CTNND2: variants seen among roughly 807,000 people sequenced by gnomAD.
CTNND2 encodes the protein catenin delta 2, also known as catenin delta-2.
A neutral mutation model predicts 144.4 loss-of-function variants in CTNND2; 22 were observed. The observed-to-expected ratio is 0.15, with a 90% confidence interval of 0.11 to 0.22. The LOEUF is 0.22. CTNND2 is among the 10% of genes least tolerant of loss of function. The pLI is 1.00. For missense variants in CTNND2, 1,353 were observed against 1,618.8 expected (o/e 0.84, Z 2.82); for synonymous variants, 751 against 695.6 (o/e 1.08, Z -1.25).
At chr5:11,565,172 G>A (rs1214747670) in intron 2 of CTNND2, 116 bp from the exon 3 acceptor site, 2 of 725,814 alleles carry the variant, frequency 2.8e-6, no homozygotes, top group African/African-American at 1.8e-5. Context: ...TGTCAAATTT[G>A]AGAAATGTGC....
chr5:11,034,809 G>A (rs1561204929), intron 16 of CTNND2, among the ~76,000 whole-genome samples: 1 of 151,448 alleles, frequency 6.6e-6, no homozygotes, highest in African/African-American at 2.4e-5. Flanking sequence ...TGTTTATTGG[G>A]ATCTTGTTTT....
intron 1 of CTNND2, among the ~76,000 whole-genome samples, chr5:11,819,135 C>T (rs1793175790): frequency 6.6e-6 from 1 of 152,112 alleles, no homozygotes; most frequent in South Asian, 2.1e-4. Context: ...CCTGGCTTTG[C>T]AAATGTGACC....
intron 1 of CTNND2, among the ~76,000 whole-genome samples, chr5:11,844,570 C>T (rs542052358): frequency 1.3e-5 from 2 of 152,236 alleles, no homozygotes; most frequent in South Asian, 4.2e-4. Flanking sequence ...TAAAATAGCT[C>T]TGGCATTAGT....
intron 2 of CTNND2, among the ~76,000 whole-genome samples, chr5:11,566,906 T>C (rs948280110): frequency 1.3e-5 from 2 of 152,316 alleles, no homozygotes; most frequent in East Asian, 1.9e-4. Flanking sequence ...TAGATCTGTA[T>C]TTGCATCTGG....
chr5:11,378,846 GA>G (rs1234165865), intron 7 of CTNND2, among the ~76,000 whole-genome samples: 1 of 152,082 alleles, frequency 6.6e-6, no homozygotes, highest in Non-Finnish European at 1.5e-5. Flanking sequence ...GAATGGGTCT[GA>G]AATCTCTAAA....
intron 9 of CTNND2, among the ~76,000 whole-genome samples, chr5:11,294,166 T>C (rs946024971): frequency 7.7e-5 from 10 of 129,264 alleles, no homozygotes; most frequent in Non-Finnish European, 1.3e-4. Context: ...ATAGTTTCAC[T>C]GTCACAATCT....
At position 11,385,114 on chromosome 5, in the gene CTNND2, G is replaced by T; in HGVS notation, c.728C>A (p.Ala243Glu). The T allele has an allele frequency of 9.7e-7, 1 of 1,025,942 alleles. No homozygotes were observed. The highest frequency in any genetic ancestry group is 9.9e-5 in the East Asian group (1 of 10,078). 63.6% of individuals were successfully genotyped at this position (1,025,942 alleles called of 1,614,324 possible). A position where few individuals can be genotyped will look rare whatever the true frequency, so the allele number is the denominator to read the frequency against. Residue 243 changes from alanine (A) to glutamate (E), a missense_variant, in exon 7 of 22, where the codon GCG becomes GAG. Coordinates refer to ENST00000304623, the MANE Select transcript of CTNND2 (RefSeq NM_001332.4). Reference protein sequence around the residue: ...SLGSAFHLPDAPPAAAAAALY... With the variant: ...SLGSAFHLPDEPPAAAAAALY... ...CGCGGCGGCGGCGGCGGCGGGCGGC[G>T]CGTCGGGCAGGTGGAAGGCGCTGCC...
intron 1 of CTNND2, among the ~76,000 whole-genome samples, chr5:11,733,978 G>C (rs547313456): frequency 6.4e-4 from 98 of 152,258 alleles, no homozygotes; most frequent in Admixed American, 3.5e-3. Context: ...ATGAAGTCAA[G>C]AGGGTGGAGC....
chr5:11,273,805 C>T (rs972763425), intron 9 of CTNND2, among the ~76,000 whole-genome samples: 1 of 152,130 alleles, frequency 6.6e-6, no homozygotes, highest in African/African-American at 2.4e-5. Context: ...CGTAGGTTAG[C>T]TCCCTCTGTG....
At chr5:11,787,337 G>T (rs547052378) in intron 1 of CTNND2, among the ~76,000 whole-genome samples, 2 of 152,066 alleles carry the variant, frequency 1.3e-5, no homozygotes, top group African/African-American at 4.8e-5. Flanking sequence ...ATTTGAAAGC[G>T]AACATAAATC....
chr5:11,751,860 G>T, intron 1 of CTNND2, among the ~76,000 whole-genome samples: 1 of 151,614 alleles, frequency 6.6e-6, no homozygotes, highest in Non-Finnish European at 1.5e-5. Context: ...TTTCTCCACA[G>T]CCTCACCAGC....
Position 11,007,028 on chromosome 5 carries a change from A to C in CTNND2, c.3084+10946T>G, listed in dbSNP as rs1257524933. Among the ~76,000 whole-genome samples the C allele has an allele frequency of 3.3e-5, 5 of 152,342 alleles. No individual in the cohort carries two copies. The East Asian group carries it at 9.6e-4, about 29-fold the overall frequency. ...AAGCACAAAGTGAAACAATCAAGAA[A>C]AAATTGCTAAAACGCATGCCACTGT... On this transcript the variant is annotated intron_variant, in intron 18 of 21. Transcript: ENST00000304623.
intron 9 of CTNND2, among the ~76,000 whole-genome samples, chr5:11,316,736 G>A (rs939036903): frequency 4.1e-5 from 6 of 147,764 alleles, no homozygotes; most frequent in Non-Finnish European, 8.9e-5. Context: ...GTGAGAACAT[G>A]CAGTGTTTGG....
chr5:11,176,582 C>T (rs1760502996), intron 11 of CTNND2, among the ~76,000 whole-genome samples: 2 of 151,980 alleles, frequency 1.3e-5, no homozygotes, highest in Admixed American at 1.3e-4. Flanking sequence ...AGATGAATTC[C>T]TTCATGGAGT....
chr5:11,708,729 G>C (rs980070386), intron 2 of CTNND2, among the ~76,000 whole-genome samples: 2 of 152,076 alleles, frequency 1.3e-5, no homozygotes, highest in African/African-American at 4.8e-5. Context: ...CTCTGTTGCA[G>C]TTCCAGGCAA....
chr5:11,435,305 A>AT (rs900548194), intron 3 of CTNND2, among the ~76,000 whole-genome samples: 37 of 148,364 alleles, frequency 2.5e-4, no homozygotes, highest in East Asian at 5.9e-4. Flanking sequence ...AGCCCGGCTA[A>AT]TTTTTTTTTT....
chr5:11,722,174 A>G (rs1282814328), intron 2 of CTNND2, among the ~76,000 whole-genome samples: 2 of 152,218 alleles, frequency 1.3e-5, no homozygotes, highest in African/African-American at 2.4e-5. Context: ...CTGCTTTAAG[A>G]CACCATTTTC....
At chr5:11,030,625 T>G (rs529876909) in intron 16 of CTNND2, among the ~76,000 whole-genome samples, 10 of 152,104 alleles carry the variant, frequency 6.6e-5, no homozygotes, top group Admixed American at 2.6e-4. Context: ...ATGTTTCCAT[T>G]TTGTTCACAC....
intron 2 of CTNND2, among the ~76,000 whole-genome samples, chr5:11,719,833 T>TACAC (rs36223515): frequency 0.071 from 10,009 of 141,932 alleles, 388 homozygotes; most frequent in East Asian, 0.1. Flanking sequence ...CTCTGACATA[T>TACAC]ACACACACAC....
Sources: allele counts gnomAD v4.1 joint callset (sites outside exome capture counted in the v4.1 genomes callset), GRCh38; gene constraint gnomAD v4.1.1; transcripts MANE v1.5; gene names NCBI Gene and HGNC (gene_info 2026-07-23, HGNC 2026-07-21).